The following IFI27 variants were observed in gnomAD, a reference collection of about 807,000 sequenced individuals.
The protein encoded by IFI27 is interferon alpha inducible protein 27, also known as interferon alpha-inducible protein 27, mitochondrial.
A neutral mutation model predicts 8.9 loss-of-function variants in IFI27; 3 were observed. The observed-to-expected ratio is 0.34, with a 90% CI of 0.15 to 0.87. The LOEUF is 0.87. Ranked by LOEUF, IFI27 falls within the 40% of genes least tolerant of loss-of-function variation. The pLI is 0.51. For missense variants in IFI27, 152 were observed against 157.7 expected (o/e 0.96, Z 0.19); for synonymous variants, 66 against 67.3 (o/e 0.98, Z 0.09).
upstream of IFI27, chr14:94,106,016 T>A (rs1198471225): frequency 6.6e-6 from 1 of 152,226 alleles, no homozygotes; most frequent in Non-Finnish European, 1.5e-5. Flanking sequence ...GAAATTTATT[T>A]CCCACAGTTC....
upstream of IFI27, among the ~76,000 whole-genome samples, chr14:94,109,142 A>G (rs1887063136): frequency 6.6e-6 from 1 of 151,906 alleles, no homozygotes; most frequent in South Asian, 2.1e-4. Flanking sequence ...AAAAATACAA[A>G]AAATTAGCCG....
chr14:94,109,972 C>A (rs1486560002), upstream of IFI27, among the ~76,000 whole-genome samples: 3 of 152,228 alleles, frequency 2.0e-5, no homozygotes, highest in Non-Finnish European at 2.9e-5. Context: ...CTTCAGGACA[C>A]AAGATCAAGT....
intron 2 of IFI27, chr14:94,113,874 C>CT (rs1435090259): frequency 6.5e-6 from 1 of 153,762 alleles, no homozygotes; most frequent in Non-Finnish European, 1.5e-5. Flanking sequence ...CACCATCACT[C>CT]TAAGGCCTCT....
rs536151623 is a variant in IFI27, at chr14:94,111,472, C to T, written c.-58-153C>T. 1.2e-4 allele frequency among the ~76,000 whole-genome samples: 18 copies of T among 152,236 alleles called. No homozygotes were observed. Among genetic ancestry groups the T allele is most frequent in the Admixed American group, 3.3e-4 (5 of 15,300 alleles). ...TAGCCCCAACTCCCCAACATCCCTCCCTCCCTCACCCCAGGATCCTTTCAA... is the reference window on the plus strand; with the variant it reads ...TAGCCCCAACTCCCCAACATCCCTCTCTCCCTCACCCCAGGATCCTTTCAA... On this transcript the variant is annotated intron_variant, in intron 1 of 4. Coordinates refer to ENST00000621160, the Ensembl canonical transcript of IFI27. This position sits in a 1 kb window ranked among gnomAD's most constrained non-coding sequence, Gnocchi z 4.3.
At chr14:94,106,915 C>A (rs1048970462), upstream of IFI27, among the ~76,000 whole-genome samples, 7 of 151,120 alleles carry the variant, frequency 4.6e-5, no homozygotes, top group African/African-American at 1.7e-4. Context: ...ACCCCCATGA[C>A]CGAAACACCC....
At chr14:94,110,903 C>T (rs1447116941) in intron 1 of IFI27, 106 bp downstream of exon 1, 1 of 154,438 alleles carries the variant, frequency 6.5e-6, no homozygotes, top group Non-Finnish European at 1.5e-5. Context: ...CCACTCTCTG[C>T]CCGGTGTTTT....
rs1045113766 is a variant in IFI27 at position 94,116,455 on chromosome 14, C to T, written c.297C>T (p.Leu99=). 1.2e-6 allele frequency: 2 copies of T among 1,612,574 alleles called. No individual in the cohort carries two copies. The highest frequency in any genetic ancestry group is 2.2e-5 in the East Asian group (1 of 44,868). ...GCTTCTTCCCAGGAGCAACTGGACT[C>T]TCCGGATTGACCAAGTTCATCCTGG... Residue 99 remains leucine, a synonymous_variant, in exon 5 of 5, where the codon CTC becomes CTT. Coordinates refer to ENST00000621160, the Ensembl canonical transcript of IFI27. This position sits in a 1 kb window ranked among gnomAD's most constrained non-coding sequence, Gnocchi z 4.3.
chr14:94,114,041 T>C (rs1273332362), intron 2 of IFI27: 1 of 152,288 alleles, frequency 6.6e-6, no homozygotes, highest in African/African-American at 2.4e-5. Flanking sequence ...GTATATCCAG[T>C]GCTGTGAGTG....
upstream of IFI27, among the ~76,000 whole-genome samples, chr14:94,108,208 T>C (rs1887038534): frequency 1.3e-5 from 2 of 152,242 alleles, no homozygotes; most frequent in South Asian, 4.1e-4. Context: ...ATGGTATATA[T>C]GTGCCACATT....
rs1418594272 is a variant in IFI27 at position 94,111,781 on chromosome 14, T to C, written c.91+8T>C. 3.1e-6 allele frequency: 5 copies of C among 1,609,190 alleles called. No homozygotes were observed. The South Asian group carries it at 3.3e-5, about 11-fold the overall frequency. On this transcript the variant is annotated splice_region_variant and intron_variant, in intron 2 of 4. Coordinates refer to ENST00000621160, the Ensembl canonical transcript of IFI27. This position sits in a 1 kb window ranked among gnomAD's most constrained non-coding sequence, Gnocchi z 4.3. ...CCGTAGTTTTGCCCCTGGGTGAGTG[T>C]TCCTGGGAGGGGCTGGTGCTGGGGG...
In IFI27 at chr14:94,111,962, G is replaced by A. The variant is rs1887209742; in HGVS notation, c.91+189G>A. 1 of 636,252 alleles carries A rather than the reference G, an allele frequency of 1.6e-6. No homozygotes were observed. Among genetic ancestry groups the A allele is most frequent in the Admixed American group, 2.3e-5 (1 of 42,958 alleles). 39.4% of individuals were successfully genotyped at this position (636,252 alleles called of 1,614,324 possible). On this transcript the variant is annotated intron_variant, in intron 2 of 4. Transcript: ENST00000621160. The surrounding 1 kb of genome is among the most constrained non-coding windows in gnomAD (Gnocchi z 4.3). ...AGGGGGCCCGGGGCAGGCAGACTCT[G>A]GCCAGATGCCCAGCCCTGGGTGTTC...
upstream of IFI27, among the ~76,000 whole-genome samples, chr14:94,108,197 CA>C (rs1269051871): frequency 6.6e-6 from 1 of 152,148 alleles, no homozygotes; most frequent in Non-Finnish European, 1.5e-5. Context: ...CATAGTATTC[CA>C]TGGTATATAT....
chr14:94,115,468 C>A, intron 3 of IFI27: 1 of 607,886 alleles, frequency 1.6e-6, no homozygotes, highest in East Asian at 3.2e-5. Context: ...TTGCCAACCA[C>A]TCCCCTGGTC....
chr14:94,110,341 C>T (rs1887129046), upstream of IFI27, among the ~76,000 whole-genome samples: 1 of 152,216 alleles, frequency 6.6e-6, no homozygotes, highest in Non-Finnish European at 1.5e-5. Flanking sequence ...CACAGTGGGC[C>T]TTCAGTTGAG....
Position 94,111,625 on chromosome 14 carries a change from G to T in IFI27, c.-58G>T. On this transcript the variant is annotated splice_region_variant and 5_prime_UTR_variant, in exon 2 of 5. Transcript: ENST00000621160. The surrounding 1 kb of genome is among the most constrained non-coding windows in gnomAD (Gnocchi z 4.3). ...CCTCAGAGCTCCATCCCTTCGGCAGGTCTGGCTGAAGTTGAGGATCTCTTA... is the reference window on the plus strand; with the variant it reads ...CCTCAGAGCTCCATCCCTTCGGCAGTTCTGGCTGAAGTTGAGGATCTCTTA... 1.4e-6 allele frequency: 2 copies of T among 1,423,762 alleles called. No homozygotes were observed. Among genetic ancestry groups the T allele is most frequent in the Non-Finnish European group, 2.0e-6 (2 of 1,007,248 alleles). The allele number at this position is 1,423,762 out of a possible 1,614,324, so 88.2% of individuals were successfully genotyped here. A position where few individuals can be genotyped will look rare whatever the true frequency, so the allele number is the denominator to read the frequency against.
At chr14:94,107,940 A>T (rs1887035420), upstream of IFI27, among the ~76,000 whole-genome samples, 1 of 152,154 alleles carries the variant, frequency 6.6e-6, no homozygotes. Context: ...TGCTGCACCC[A>T]TCAACTCGTC....
chr14:94,111,864 G>T lies in IFI27; in HGVS notation c.91+91G>T. 1.0e-6 allele frequency: 1 copy of T among 982,674 alleles called. No homozygotes were observed. Among genetic ancestry groups the T allele is most frequent in the South Asian group, 1.3e-5 (1 of 77,900 alleles). The allele number at this position is 982,674 out of a possible 1,614,324, so 60.9% of individuals were successfully genotyped here. On this transcript the variant is annotated intron_variant, in intron 2 of 4. Transcript: ENST00000621160. The surrounding 1 kb of genome is among the most constrained non-coding windows in gnomAD (Gnocchi z 4.3). ...TCCCGGGACCCGTGGGAGAGAAAATGGGGGACACCCGCAGCCTTGCTGCCC... is the reference window on the plus strand; with the variant it reads ...TCCCGGGACCCGTGGGAGAGAAAATTGGGGACACCCGCAGCCTTGCTGCCC...
chr14:94,107,043 C>G (rs1273996747), upstream of IFI27, among the ~76,000 whole-genome samples: 1 of 151,902 alleles, frequency 6.6e-6, no homozygotes, highest in Non-Finnish European at 1.5e-5. Context: ...AAGTCTTTTG[C>G]CCATTTTATT....
At position 94,116,153 on chromosome 14, in the gene IFI27, C is replaced by G; in HGVS notation, c.283+211C>G. Reference sequence around the variant, plus strand: ...GCACTCAGGAAGACTCAGCCCGAAGCAGATTTGCTGGGTTACCTGGGGCGT... The same window carrying G: ...GCACTCAGGAAGACTCAGCCCGAAGGAGATTTGCTGGGTTACCTGGGGCGT... On this transcript the variant is annotated intron_variant, in intron 4 of 4. Coordinates refer to ENST00000621160, the Ensembl canonical transcript of IFI27. The surrounding 1 kb of genome is among the most constrained non-coding windows in gnomAD (Gnocchi z 4.3). 1 of 745,944 alleles carries G rather than the reference C, an allele frequency of 1.3e-6. No individual in the cohort carries two copies. The highest frequency in any genetic ancestry group is 2.3e-6 in the Non-Finnish European group (1 of 426,156). 46.2% of individuals were successfully genotyped at this position (745,944 alleles called of 1,614,324 possible).
Sources: allele counts gnomAD v4.1 joint callset (sites outside exome capture counted in the v4.1 genomes callset), GRCh38; gene constraint gnomAD v4.1.1; non-coding constraint Gnocchi (gnomAD v3.1); transcripts MANE v1.5; gene names NCBI Gene and HGNC (gene_info 2026-07-23, HGNC 2026-07-21).